The following ACACA variants were observed in gnomAD, a reference collection of about 807,000 sequenced individuals.
The protein encoded by ACACA is acetyl-CoA carboxylase 1.
In ACACA, 103 loss-of-function variants were observed where a neutral mutation model predicts 296.1. The observed-to-expected ratio is 0.35, with a 90% CI of 0.30 to 0.41. The LOEUF (loss-of-function observed/expected upper bound fraction) is 0.41. Ranked by LOEUF, ACACA falls within the 10% of genes least tolerant of loss-of-function variation. The pLI is 1.00. For missense variants in ACACA, 1,554 were observed against 2,989.7 expected (o/e 0.52, Z 11.20); for synonymous variants, 953 against 1,038.6 (o/e 0.92, Z 1.58).
At chr17:37,373,678 T>C (rs2049889816) in intron 1 of ACACA, among the ~76,000 whole-genome samples, 1 of 152,320 alleles carries the variant, frequency 6.6e-6, no homozygotes, top group Middle Eastern at 3.4e-3. Flanking sequence ...TTTTGCCACC[T>C]TGTGACACTG....
At chr17:37,274,646 C>T (rs755074335) in intron 8 of ACACA, 32 of 985,292 alleles carry the variant, frequency 3.2e-5, no homozygotes, top group Non-Finnish European at 3.6e-5. Context: ...TTCAGGCCTG[C>T]TCCAGGGCCA....
At chr17:37,092,904 G>A (rs1029204984) in intron 54 of ACACA, among the ~76,000 whole-genome samples, 3 of 152,160 alleles carry the variant, frequency 2.0e-5, no homozygotes, top group African/African-American at 7.2e-5. Context: ...CTATCCAACA[G>A]AAGCCCAAGA....
At chr17:37,356,983 T>C (rs1013283509) in intron 1 of ACACA, among the ~76,000 whole-genome samples, 4 of 130,400 alleles carry the variant, frequency 3.1e-5, no homozygotes, top group Middle Eastern at 4.4e-3. Flanking sequence ...TGTTACATAG[T>C]GATCTACACC....
At chr17:37,208,837 A>C (rs185931692) in intron 30 of ACACA, among the ~76,000 whole-genome samples, 1 of 152,326 alleles carries the variant, frequency 6.6e-6, no homozygotes, top group East Asian at 1.9e-4. Context: ...ACTGATCTGA[A>C]GCAAGTTCAG....
At chr17:37,180,479 T>G (rs1024175625) in intron 40 of ACACA, among the ~76,000 whole-genome samples, 1 of 152,202 alleles carries the variant, frequency 6.6e-6, no homozygotes, top group Non-Finnish European at 1.5e-5. Flanking sequence ...CCTATATTCA[T>G]AGATTTTTTT....
chr17:37,159,606 A>T (rs2076385262), intron 42 of ACACA, among the ~76,000 whole-genome samples: 1 of 152,118 alleles, frequency 6.6e-6, no homozygotes, highest in Admixed American at 6.5e-5. Context: ...CATCAGCCCC[A>T]GAAAAACCCC....
chr17:37,093,529 A>G (rs2072784116), intron 54 of ACACA, among the ~76,000 whole-genome samples: 2 of 152,038 alleles, frequency 1.3e-5, no homozygotes, highest in South Asian at 4.1e-4. Flanking sequence ...ACAGGGTCTC[A>G]CTCTGTTGCC....
intron 1 of ACACA, among the ~76,000 whole-genome samples, chr17:37,395,383 T>C (rs1378475769): frequency 6.7e-6 from 1 of 149,686 alleles, no homozygotes; most frequent in East Asian, 2.0e-4. Context: ...TGAGCTGAGA[T>C]CGTGTCACTG....
At chr17:37,260,294 ATATTTTT>A (rs1253514924) in intron 11 of ACACA, among the ~76,000 whole-genome samples, 1 of 14,708 alleles carries the variant, frequency 6.8e-5, no homozygotes, top group Admixed American at 1.6e-3. Context: ...ATATATATAT[ATATTTTT>A]TTTTTTTTTT....
chr17:37,381,923 G>A (rs766885301), intron 1 of ACACA, among the ~76,000 whole-genome samples: 18 of 152,054 alleles, frequency 1.2e-4, no homozygotes, highest in Admixed American at 2.6e-4. Flanking sequence ...CACTGCACCC[G>A]GCCATGTCTC....
At chr17:37,198,445 T>G (rs2145214409) in intron 35 of ACACA, among the ~76,000 whole-genome samples, 1 of 152,348 alleles carries the variant, frequency 6.6e-6, no homozygotes, top group South Asian at 2.1e-4. Flanking sequence ...ATCCAGGGCC[T>G]GGCTCTGGCA....
chr17:37,217,922 GGTTT>G (rs979123506), intron 29 of ACACA, among the ~76,000 whole-genome samples: 1 of 151,390 alleles, frequency 6.6e-6, no homozygotes, highest in Non-Finnish European at 1.5e-5. Flanking sequence ...AAAAAAAATT[GGTTT>G]GTTAACCTCA....
At chr17:37,132,620 C>G (rs1263611168) in intron 45 of ACACA, among the ~76,000 whole-genome samples, 1 of 152,194 alleles carries the variant, frequency 6.6e-6, no homozygotes, top group Non-Finnish European at 1.5e-5. Context: ...AGGTCAGGAG[C>G]CAAGTACTCC....
At chr17:37,359,257 G>A in intron 1 of ACACA, 1 of 634,528 alleles carries the variant, frequency 1.6e-6, no homozygotes, top group Non-Finnish European at 2.0e-6. Context: ...ACCCCGCTCC[G>A]GGCTGCGGCG....
In ACACA at chr17:37,359,499, A is replaced by G. The variant is rs576058565; in HGVS notation, c.39-19649T>C. 5.3e-5 allele frequency among the ~76,000 whole-genome samples: 8 copies of G among 152,048 alleles called. No homozygotes were observed. The South Asian group carries it at 1.7e-3, about 32-fold the overall frequency. The stretch of plus-strand genomic sequence containing the variant: ...GCGGCCCCTTCTGCCACAGCCGGGT[A>G]CGGGGCCAACCCCTCGGCTCCTCCT... On this transcript the variant is annotated intron_variant, in intron 1 of 55. Coordinates refer to ENST00000616317, the MANE Select transcript of ACACA (RefSeq NM_198834.3).
intron 39 of ACACA, among the ~76,000 whole-genome samples, chr17:37,181,900 C>CAAAAAAA (rs61045031): frequency 5.4e-4 from 12 of 22,230 alleles, no homozygotes; most frequent in African/African-American, 1.2e-3. Context: ...ACTCTGTATC[C>CAAAAAAA]AAAAAAAAAA....
At chr17:37,242,086 C>T (rs774430670) in intron 22 of ACACA, 33 bp from the exon 23 acceptor site, 19 of 1,554,294 alleles carry the variant, frequency 1.2e-5, no homozygotes, top group Non-Finnish European at 1.6e-5. Context: ...AAATGAGGCC[C>T]AACCCAACAA....
chr17:37,406,155 G>C (rs1284056964), intron 1 of ACACA, 107 bp downstream of exon 1: 4 of 1,277,762 alleles, frequency 3.1e-6, no homozygotes, highest in East Asian at 2.3e-5. Context: ...AAATGAGACC[G>C]TATGTGTAAC....
chr17:37,366,522 G>A (rs951109203), intron 1 of ACACA, among the ~76,000 whole-genome samples: 29 of 149,060 alleles, frequency 1.9e-4, no homozygotes, highest in Non-Finnish European at 4.1e-4. Context: ...AGGCTGGAGT[G>A]CAGTGGCACG....
Sources: gnomAD v4.1 joint callset for allele counts (sites outside exome capture counted in the v4.1 genomes callset) on GRCh38, gnomAD v4.1.1 for gene constraint, MANE v1.5 for transcripts, NCBI Gene and HGNC (gene_info 2026-07-23, HGNC 2026-07-21) for gene names.